GALNS: variants seen among roughly 807,000 people sequenced by gnomAD.
The protein encoded by GALNS is N-acetylgalactosamine-6-sulfatase.
GALNS carries 65 observed loss-of-function variants against 65.9 expected under a neutral mutation model. The ratio of observed to expected loss-of-function variants is 0.99; its 90% confidence interval spans 0.81 to 1.21. GALNS has a LOEUF of 1.21. GALNS is among the 50% of genes most tolerant of loss of function. The probability of loss-of-function intolerance (pLI) is 0.00; values close to 1 mark genes in which losing one functional copy is unlikely to be tolerated. For synonymous variants in GALNS, 346 were observed against 288.9 expected, an observed-to-expected ratio of 1.20 and a Z score of -2.00; for missense variants, 776 against 700.7, an observed-to-expected ratio of 1.11 and a Z score of -1.21.
intron 1 of GALNS, chr16:88,855,147 T>C (rs1373344112): frequency 5.0e-6 from 3 of 600,516 alleles, no homozygotes; most frequent in African/African-American, 3.7e-5. Flanking sequence ...ACTTTATATT[T>C]TATTTAACCC....
intron 12 of GALNS, among the ~76,000 whole-genome samples, chr16:88,819,405 C>T (rs1909971197): frequency 1.3e-5 from 2 of 152,234 alleles, no homozygotes; most frequent in South Asian, 4.1e-4. Flanking sequence ...AGGAGGGTCT[C>T]AGGTGCATTT....
At chr16:88,852,662 T>C (rs1397014422) in intron 1 of GALNS, among the ~76,000 whole-genome samples, 2 of 152,202 alleles carry the variant, frequency 1.3e-5, no homozygotes, top group Admixed American at 6.5e-5. Flanking sequence ...AATGGCTAAC[T>C]AGAATCAACA....
chr16:88,818,828 C>T (rs576485450), intron 12 of GALNS, among the ~76,000 whole-genome samples: 17 of 152,354 alleles, frequency 1.1e-4, no homozygotes, highest in African/African-American at 3.4e-4. Context: ...GCTGCCATAG[C>T]GGAGATGCAG....
At chr16:88,854,317 C>T (rs1000884127) in intron 1 of GALNS, among the ~76,000 whole-genome samples, 3 of 152,204 alleles carry the variant, frequency 2.0e-5, no homozygotes, top group Non-Finnish European at 2.9e-5. Context: ...GAGGAAGCCC[C>T]GGACTCCAAG....
At chr16:88,835,128 G>C in intron 8 of GALNS, 85 bp downstream of exon 8, 1 of 1,512,684 alleles carries the variant, frequency 6.6e-7, no homozygotes. Flanking sequence ...GCCCACCACA[G>C]ACCCCGTGGG....
At chr16:88,850,601 C>T (rs780367075) in intron 1 of GALNS, among the ~76,000 whole-genome samples, 3 of 152,170 alleles carry the variant, frequency 2.0e-5, no homozygotes, top group African/African-American at 7.2e-5. Flanking sequence ...CAGGTCTTGG[C>T]GACAGTCCTA....
rs993491487 is a variant in GALNS, at chr16:88,814,356, G to A, written c.*83C>T. On this transcript the variant is annotated 3_prime_UTR_variant, in exon 14 of 14. Coordinates refer to ENST00000268695, the MANE Select transcript of GALNS (RefSeq NM_000512.5). ...GTCTGGCTTGGGCAGGGTTGGGGGA[G>A]GACCGAGGCCAGAGCCATCCTTCCT... is the stretch of plus-strand genomic sequence containing the variant. 3 of 1,529,724 alleles carry A rather than the reference G, an allele frequency of 2.0e-6. No homozygotes were observed. The highest frequency in any genetic ancestry group is 1.4e-5 in the African/African-American group (1 of 72,624). The allele number at this position is 1,529,724 out of a possible 1,614,324, so 94.8% of individuals were successfully genotyped here. A position where few individuals can be genotyped will look rare whatever the true frequency, so the allele number is the denominator to read the frequency against.
chr16:88,851,892 A>G (rs1341847314), intron 1 of GALNS, among the ~76,000 whole-genome samples: 2 of 152,242 alleles, frequency 1.3e-5, no homozygotes, highest in Admixed American at 6.5e-5. Context: ...CAGCTCTGCA[A>G]AGCCTGCTGC....
intron 12 of GALNS, among the ~76,000 whole-genome samples, chr16:88,822,175 G>C (rs1246449496): frequency 2.6e-5 from 4 of 152,160 alleles, no homozygotes; most frequent in African/African-American, 9.7e-5. Flanking sequence ...ATCCTCGGTG[G>C]GGTGAGGACA....
intron 9 of GALNS, 23 bp from the exon 10 acceptor site, chr16:88,826,861 G>A (rs1379555854): frequency 7.0e-6 from 11 of 1,560,620 alleles, no homozygotes; most frequent in South Asian, 3.5e-5. Context: ...GCAGCAACAC[G>A]GTCAGGGCAC....
At chr16:88,846,825 G>A (rs1036216103) in intron 1 of GALNS, among the ~76,000 whole-genome samples, 2 of 152,102 alleles carry the variant, frequency 1.3e-5, no homozygotes, top group Non-Finnish European at 2.9e-5. Flanking sequence ...TTACAGGTGT[G>A]AGCACTGTGC....
chr16:88,853,310 G>A (rs1210240940), intron 1 of GALNS, among the ~76,000 whole-genome samples: 2 of 150,442 alleles, frequency 1.3e-5, no homozygotes, highest in African/African-American at 2.5e-5. Context: ...TCCACGTTCA[G>A]CGAGCACAGC....
At chr16:88,816,137 T>C (rs1909598480) in intron 13 of GALNS, 1 of 985,262 alleles carries the variant, frequency 1.0e-6, no homozygotes, top group Non-Finnish European at 1.2e-6. Flanking sequence ...CTTTTCCCCC[T>C]GCAGAGAGCA....
At chr16:88,815,200 G>T (rs1567509933) in intron 13 of GALNS, 1 of 985,348 alleles carries the variant, frequency 1.0e-6, no homozygotes, top group Non-Finnish European at 1.2e-6. Flanking sequence ...AGCTCTGAAG[G>T]CTGCCATTGG....
chr16:88,848,640 T>C (rs1193361438), intron 1 of GALNS, among the ~76,000 whole-genome samples: 1 of 151,434 alleles, frequency 6.6e-6, no homozygotes, highest in Admixed American at 6.6e-5. Flanking sequence ...CCCCTGACAC[T>C]GCTGGGTCGG....
At chr16:88,828,657 T>C (rs3784888) in intron 9 of GALNS, among the ~76,000 whole-genome samples, 6,327 of 152,332 alleles carry the variant, frequency 0.042, 163 homozygotes, top group South Asian at 0.083. Context: ...GTTTCCCTTC[T>C]TCAGGGAGCG....
At chr16:88,852,312 TAACA>T (rs1451910447) in intron 1 of GALNS, among the ~76,000 whole-genome samples, 7 of 152,084 alleles carry the variant, frequency 4.6e-5, no homozygotes, top group Non-Finnish European at 1.0e-4. Flanking sequence ...TAAGGAAAAT[TAACA>T]AACAGAAAGG....
intron 13 of GALNS, chr16:88,817,502 C>T (rs1597522675): frequency 1.0e-6 from 1 of 985,282 alleles, no homozygotes; most frequent in East Asian, 1.1e-4. Flanking sequence ...CGCAGGTGGG[C>T]CCTGGGGCCG....
chr16:88,832,105 G>A lies in GALNS; in HGVS notation c.899-4C>T, dbSNP rs143793386. The A allele has an allele frequency of 6.2e-7, 1 of 1,612,904 alleles. No individual in the cohort carries two copies. Among genetic ancestry groups the A allele is most frequent in the Non-Finnish European group, 8.5e-7 (1 of 1,179,298 alleles). Reference sequence around the variant, plus strand: ...AGAAAGGGGCCGTTGCTGCCACCTGGGAGAGAGGGGCCCTTGTCAGGCCAC... The same window carrying A: ...AGAAAGGGGCCGTTGCTGCCACCTGAGAGAGAGGGGCCCTTGTCAGGCCAC... On this transcript the variant is annotated splice_region_variant and splice_polypyrimidine_tract_variant and intron_variant, in intron 8 of 13. Transcript: ENST00000268695.
Sources: gnomAD v4.1 joint callset for allele counts (sites outside exome capture counted in the v4.1 genomes callset) on GRCh38, gnomAD v4.1.1 for gene constraint, MANE v1.5 for transcripts, NCBI Gene and HGNC (gene_info 2026-07-23, HGNC 2026-07-21) for gene names.